Variants in BTBD10 observed in about 807,000 individuals in gnomAD.
The protein encoded by BTBD10 is BTB/POZ domain-containing protein 10.
In BTBD10, 21 loss-of-function variants were observed where a neutral mutation model predicts 53.2. The ratio of observed to expected loss-of-function variants is 0.39; its 90% CI spans 0.28 to 0.57. The LOEUF (loss-of-function observed/expected upper bound fraction) is 0.57. BTBD10 is among the 20% of genes least tolerant of loss of function. The pLI, the probability that BTBD10 is intolerant of heterozygous loss-of-function variation, is 0.53. For missense variants in BTBD10, 360 were observed against 594.7 expected (o/e 0.61, Z 4.10); for synonymous variants, 149 against 192.7 (o/e 0.77, Z 1.88).
chr11:13,388,847 T>C lies in BTBD10; in HGVS notation c.1412A>G (p.Gln471Arg). 6 of 1,612,696 alleles carry C rather than the reference T, an allele frequency of 3.7e-6. No homozygotes were observed. Among genetic ancestry groups the C allele is most frequent in the Non-Finnish European group, 5.1e-6 (6 of 1,178,854 alleles). ...AGATCAGCATCACAGCATTGGATTC[T>C]GTGCATCAGGATCGAGGTCACTGTT... Reference protein sequence around the residue: ...SGNSDLDPDAQNPML With the variant: ...SGNSDLDPDARNPML The change falls in exon 9 of 9, where the codon CAG becomes CGG. Residue 471 changes from glutamine (Q) to arginine (R), a missense_variant. Gln to Arg is a conservative substitution (Grantham distance 43). This residue lies in a region of BTBD10 where 25 missense variants were observed against 24.9 expected (regional missense o/e 1.00). Transcript: ENST00000278174.
Position 13,445,070 on chromosome 11 carries a change from C to A in BTBD10, c.55G>T (p.Asp19Tyr), listed in dbSNP as rs1232027444. The A allele has an allele frequency of 6.2e-7, 1 of 1,613,292 alleles. No individual in the cohort carries two copies. Among genetic ancestry groups the A allele is most frequent in the Non-Finnish European group, 8.5e-7 (1 of 1,179,454 alleles). ...CGAGGTCTACTATGCAATTTCCGAT[C>A]CCAATTCTCTGGATCACTGGAGTTA... ...DGNSSDPENW[D>Y]RKLHSRPRKL... Residue 19 changes from aspartate (D) to tyrosine (Y), a missense_variant, in exon 2 of 9, where the codon GAT becomes TAT. This residue lies in a region of BTBD10 where 81 missense variants were observed against 82.6 expected (regional missense o/e 0.98). Transcript: ENST00000278174.
At chr11:13,392,917 G>A (rs1949445111) in intron 8 of BTBD10, among the ~76,000 whole-genome samples, 2 of 152,206 alleles carry the variant, frequency 1.3e-5, no homozygotes, top group African/African-American at 4.8e-5. Context: ...AAGGACTAAT[G>A]ATGGGAGTTA....
chr11:13,421,776 C>A lies in BTBD10; in HGVS notation c.164G>T (p.Ser55Ile). Reference sequence around the variant, plus strand: ...ATCTCTTGATCTCTCATGTCCCCCACTAGCACCATGTAGACTCATTTTGGT... The same window carrying A: ...ATCTCTTGATCTCTCATGTCCCCCAATAGCACCATGTAGACTCATTTTGGT... Reference protein sequence around the residue: ...DHTKMSLHGASGGHERSRDRR... With the variant: ...DHTKMSLHGAIGGHERSRDRR... The change falls in exon 3 of 9, where the codon AGT becomes ATT. Residue 55 changes from serine to isoleucine, a missense_variant. Physicochemically the swap from Ser to Ile is moderately radical, Grantham distance 142. Transcript: ENST00000278174. 6.2e-7 allele frequency: 1 copy of A among 1,614,128 alleles called. No individual in the cohort carries two copies. The highest frequency in any genetic ancestry group is 8.5e-7 in the Non-Finnish European group (1 of 1,179,994).
At chr11:13,461,949 T>TTA (rs1271330123) in intron 1 of BTBD10, among the ~76,000 whole-genome samples, 232 of 151,022 alleles carry the variant, frequency 1.5e-3, no homozygotes, top group Non-Finnish European at 2.0e-3. Flanking sequence ...TTTTTTTTTT[T>TTA]ACCAGTCTTG....
chr11:13,426,384 AG>A (rs1950339537), intron 2 of BTBD10, among the ~76,000 whole-genome samples: 1 of 152,150 alleles, frequency 6.6e-6, no homozygotes, highest in Admixed American at 6.5e-5. Context: ...TCCTTCAGGC[AG>A]AAAAAAAAGC....
At position 13,389,158 on chromosome 11, in the gene BTBD10, T is replaced by C. The variant is rs1402770905; in HGVS notation, c.1118-17A>G. 6.5e-7 allele frequency: 1 copy of C among 1,541,184 alleles called. No homozygotes were observed. The highest frequency in any genetic ancestry group is 8.9e-7 in the Non-Finnish European group (1 of 1,125,100). ...TAGGATAACCTGAAAGAAAGAAAGA[T>C]TTTAAAAACTGAGGAGACACACACA... On this transcript the variant is annotated splice_polypyrimidine_tract_variant and intron_variant, in intron 8 of 8. Coordinates refer to ENST00000278174, the MANE Select transcript of BTBD10 (RefSeq NM_032320.7).
chr11:13,446,926 C>T (rs545127316), intron 1 of BTBD10, among the ~76,000 whole-genome samples: 1 of 151,666 alleles, frequency 6.6e-6, no homozygotes, highest in South Asian at 2.1e-4. Flanking sequence ...ATGAACAAAT[C>T]GGAGAAGCAA....
intron 6 of BTBD10, among the ~76,000 whole-genome samples, chr11:13,407,101 C>T (rs1949848547): frequency 2.6e-5 from 4 of 152,098 alleles, no homozygotes; most frequent in Admixed American, 1.3e-4. Context: ...CAATGGAACA[C>T]TCTTTCTTGA....
At chr11:13,423,365 T>C (rs1482840017) in intron 2 of BTBD10, among the ~76,000 whole-genome samples, 1 of 152,216 alleles carries the variant, frequency 6.6e-6, no homozygotes, top group Non-Finnish European at 1.5e-5. Context: ...TTGTAAAATG[T>C]AGATTCTATT....
intron 2 of BTBD10, among the ~76,000 whole-genome samples, chr11:13,439,368 C>T (rs1591158051): frequency 6.6e-6 from 1 of 152,078 alleles, no homozygotes; most frequent in African/African-American, 2.4e-5. Flanking sequence ...TATTCAGTTT[C>T]TGGGTTCTTT....
intron 5 of BTBD10, 106 bp downstream of exon 5, chr11:13,417,052 C>T (rs11022811): frequency 0.81 from 589,463 of 727,888 alleles, 242,013 homozygotes; most frequent in Non-Finnish European, 0.85. Flanking sequence ...AAAAACAATA[C>T]CCTGGAATAA....
At chr11:13,390,475 C>G (rs965639475) in intron 8 of BTBD10, among the ~76,000 whole-genome samples, 12 of 151,984 alleles carry the variant, frequency 7.9e-5, no homozygotes, top group African/African-American at 2.9e-4. Context: ...TCTCGAGTAG[C>G]TGGGACTACA....
At chr11:13,443,828 C>T (rs1231129134) in intron 2 of BTBD10, among the ~76,000 whole-genome samples, 1 of 152,052 alleles carries the variant, frequency 6.6e-6, no homozygotes, top group Non-Finnish European at 1.5e-5. Flanking sequence ...AAGTGATCTG[C>T]CTGCCTCGGC....
intron 8 of BTBD10, among the ~76,000 whole-genome samples, chr11:13,395,964 A>G (rs1323530739): frequency 6.6e-6 from 1 of 152,128 alleles, no homozygotes; most frequent in Non-Finnish European, 1.5e-5. Context: ...GTTTGAAGTC[A>G]GGTAGCGTGA....
chr11:13,405,167 G>GCTTT (rs1949792960), intron 7 of BTBD10, among the ~76,000 whole-genome samples: 2 of 151,924 alleles, frequency 1.3e-5, no homozygotes, highest in Admixed American at 1.3e-4. Flanking sequence ...CCTTATGAAG[G>GCTTT]GTCATTGTAT....
intron 2 of BTBD10, among the ~76,000 whole-genome samples, chr11:13,432,046 A>T (rs896424492): frequency 4.6e-5 from 7 of 152,082 alleles, no homozygotes; most frequent in Non-Finnish European, 8.8e-5. Flanking sequence ...AAAACTATTG[A>T]TATCTGCAAC....
At chr11:13,423,324 C>T (rs1225155920) in intron 2 of BTBD10, among the ~76,000 whole-genome samples, 1 of 152,074 alleles carries the variant, frequency 6.6e-6, no homozygotes, top group Non-Finnish European at 1.5e-5. Flanking sequence ...TTTGAATGAT[C>T]CTTAATATTC....
At chr11:13,414,995 C>A (rs982874572) in intron 5 of BTBD10, among the ~76,000 whole-genome samples, 3 of 151,648 alleles carry the variant, frequency 2.0e-5, no homozygotes, top group Non-Finnish European at 4.4e-5. Flanking sequence ...TGATCAAGAT[C>A]AACTATTTTC....
intron 2 of BTBD10, among the ~76,000 whole-genome samples, chr11:13,438,541 C>A (rs1315744024): frequency 6.6e-6 from 1 of 151,014 alleles, no homozygotes. Context: ...TAGAAGATCA[C>A]TTCATGACTA....
Sources: allele counts gnomAD v4.1 joint callset (sites outside exome capture counted in the v4.1 genomes callset), GRCh38; gene constraint gnomAD v4.1.1; regional missense constraint gnomAD v4.1.1; transcripts MANE v1.5; gene names NCBI Gene and HGNC (gene_info 2026-07-23, HGNC 2026-07-21).